Variants in SEC24D observed in about 807,000 individuals in gnomAD.
SEC24D encodes protein transport protein Sec24D.
SEC24D carries 69 observed loss-of-function variants against 116.9 expected under a neutral mutation model. The ratio of observed to expected loss-of-function variants is 0.59; its 90% CI spans 0.49 to 0.72. The LOEUF (loss-of-function observed/expected upper bound fraction) is 0.72, where lower values mean the gene tolerates loss of function less well. Ranked by LOEUF, SEC24D falls within the 30% of genes least tolerant of loss-of-function variation. The pLI is 0.00. For missense variants in SEC24D, 1,131 were observed against 1,264.1 expected, an observed-to-expected ratio of 0.89 and a Z score of 1.60; for synonymous variants, 405 against 442.8, an observed-to-expected ratio of 0.91 and a Z score of 1.07.
intron 7 of SEC24D, among the ~76,000 whole-genome samples, chr4:118,800,454 CAG>C (rs1729384119): frequency 6.6e-6 from 1 of 152,144 alleles, no homozygotes; most frequent in South Asian, 2.1e-4. Flanking sequence ...CCAGATTTCA[CAG>C]TTTTTAGGAC....
At chr4:118,777,123 A>T (rs1418064270) in intron 8 of SEC24D, among the ~76,000 whole-genome samples, 1 of 141,062 alleles carries the variant, frequency 7.1e-6, no homozygotes. Flanking sequence ...TTATTTATTT[A>T]TTTTTATTAT....
Position 118,740,709 on chromosome 4 carries a change from AAC to A in SEC24D, c.2190_2191del (p.Glu730AspfsTer5). The A allele has an allele frequency of 6.2e-7, 1 of 1,613,904 alleles. No homozygotes were observed. Among genetic ancestry groups the A allele is most frequent in the Admixed American group, 1.7e-5 (1 of 60,002 alleles). ...TTCACTGAGTTTGTCATCGTGCTTG[AAC>A]TCCACGGTCACTGCCTTGTCACAAT... On this transcript the variant is annotated frameshift_variant, in exon 17 of 23. Transcript: ENST00000280551. LOFTEE classifies it high-confidence loss of function.
At chr4:118,788,066 A>G (rs1728732398) in intron 8 of SEC24D, among the ~76,000 whole-genome samples, 1 of 152,124 alleles carries the variant, frequency 6.6e-6, no homozygotes, top group South Asian at 2.1e-4. Context: ...TGATTCTCTG[A>G]CCTCAGCCTC....
At chr4:118,835,689 TG>T (rs1458159613) in intron 1 of SEC24D, among the ~76,000 whole-genome samples, 1 of 152,228 alleles carries the variant, frequency 6.6e-6, no homozygotes, top group Non-Finnish European at 1.5e-5. Flanking sequence ...AGGCAGTTCC[TG>T]CATCCCAAGG....
At chr4:118,833,972 G>A (rs952971353) in intron 1 of SEC24D, among the ~76,000 whole-genome samples, 1 of 152,198 alleles carries the variant, frequency 6.6e-6, no homozygotes, top group Admixed American at 6.5e-5. Context: ...TCTCAAGCAT[G>A]AGACCTGAAT....
In SEC24D at chr4:118,829,996, C is replaced by T. The variant is rs1004599624; in HGVS notation, c.118+3583G>A. Among the ~76,000 whole-genome samples the T allele has an allele frequency of 2.0e-4, 30 of 152,102 alleles. 1 individual carries two copies. The highest frequency in any genetic ancestry group is 4.0e-4 in the Non-Finnish European group (27 of 68,012). ...GTGTCTGTCAGGAGACCAATAAAAG[C>T]GTCACTAAAAGGCTAGACAAGAAGA... On this transcript the variant is annotated intron_variant, in intron 2 of 22. Coordinates refer to ENST00000280551, the MANE Select transcript of SEC24D (RefSeq NM_014822.4).
intron 13 of SEC24D, among the ~76,000 whole-genome samples, chr4:118,748,478 T>C (rs1048383540): frequency 1.3e-5 from 2 of 152,228 alleles, no homozygotes; most frequent in South Asian, 2.1e-4. Flanking sequence ...TTAAATGTTC[T>C]ATTCCCTACA....
At chr4:118,831,425 C>T (rs1403724103) in intron 2 of SEC24D, among the ~76,000 whole-genome samples, 1 of 152,060 alleles carries the variant, frequency 6.6e-6, no homozygotes, top group South Asian at 2.1e-4. Context: ...AAAACATAGG[C>T]TTCCATGATG....
At chr4:118,745,537 C>T (rs1382896168) in intron 13 of SEC24D, among the ~76,000 whole-genome samples, 3 of 152,000 alleles carry the variant, frequency 2.0e-5, no homozygotes, top group Admixed American at 6.6e-5. Flanking sequence ...TGCATAAGAA[C>T]GTAGTGGTGG....
intron 8 of SEC24D, among the ~76,000 whole-genome samples, chr4:118,779,800 A>G (rs1392271928): frequency 2.0e-5 from 3 of 152,180 alleles, no homozygotes; most frequent in African/African-American, 7.2e-5. Context: ...TGGTCTATTC[A>G]GAGATTCAAC....
intron 2 of SEC24D, among the ~76,000 whole-genome samples, chr4:118,831,998 T>A (rs1378415920): frequency 6.6e-6 from 1 of 151,752 alleles, no homozygotes; most frequent in Non-Finnish European, 1.5e-5. Flanking sequence ...AGGTCAGGAG[T>A]TCGAGACCAA....
intron 8 of SEC24D, among the ~76,000 whole-genome samples, chr4:118,773,170 AG>A (rs1322313843): frequency 6.6e-6 from 1 of 151,940 alleles, no homozygotes; most frequent in Non-Finnish European, 1.5e-5. Context: ...TTCCTTCATT[AG>A]AAGTATTCAG....
At chr4:118,828,097 G>C (rs114684527) in intron 2 of SEC24D, among the ~76,000 whole-genome samples, 1 of 151,656 alleles carries the variant, frequency 6.6e-6, no homozygotes, top group Admixed American at 6.6e-5. Flanking sequence ...CCTGTTCTAG[G>C]TTCAGGACAT....
Position 118,774,221 on chromosome 4 carries a change from G to A in SEC24D, c.1042-5910C>T, listed in dbSNP as rs564446846. 5.6e-4 allele frequency among the ~76,000 whole-genome samples: 85 copies of A among 152,108 alleles called. 1 individual carries two copies. Among genetic ancestry groups the A allele is most frequent in the African/African-American group, 2.0e-3 (81 of 41,528 alleles). On this transcript the variant is annotated intron_variant, in intron 8 of 22. Coordinates refer to ENST00000280551, the MANE Select transcript of SEC24D (RefSeq NM_014822.4). ...TTTCTTTGAACAATACTATCAGAGA[G>A]TCTATTTGTTCTGTCTTAATTATAT...
chr4:118,803,324 C>T (rs1053954419), intron 7 of SEC24D, among the ~76,000 whole-genome samples: 1 of 152,144 alleles, frequency 6.6e-6, no homozygotes, highest in Admixed American at 6.6e-5. Context: ...AAACAAAAAG[C>T]TATGCACATG....
At chr4:118,727,803 C>T (rs1034143208) in intron 22 of SEC24D, among the ~76,000 whole-genome samples, 4 of 152,056 alleles carry the variant, frequency 2.6e-5, no homozygotes, top group Admixed American at 6.6e-5. Context: ...GTTCAATTTA[C>T]CTAAGCTCTA....
rs1261791195 is a variant in SEC24D, at chr4:118,738,300, A to G, written c.2457T>C (p.Cys819=). 1 of 1,613,660 alleles carries G rather than the reference A, an allele frequency of 6.2e-7. No individual in the cohort carries two copies. The highest frequency in any genetic ancestry group is 8.5e-7 in the Non-Finnish European group (1 of 1,179,606). ...LVNQTAHMLA[C]YRKNCASPSA... The stretch of plus-strand genomic sequence containing the variant: ...AAGGACTTGCACAATTCTTCCGGTA[A>G]CATGCCAACATATGGGCAGTCTGAT... The change falls in exon 19 of 23, where the codon TGT becomes TGC. Residue 819 remains cysteine, a synonymous_variant. Coordinates refer to ENST00000280551, the MANE Select transcript of SEC24D (RefSeq NM_014822.4).
At chr4:118,809,779 C>G (rs765690024) in intron 6 of SEC24D, among the ~76,000 whole-genome samples, 42 of 152,106 alleles carry the variant, frequency 2.8e-4, no homozygotes, top group Middle Eastern at 3.2e-3. Flanking sequence ...GGAAGACAGG[C>G]AATAAGTAAA....
Position 118,815,071 on chromosome 4 carries a change from G to A in SEC24D, c.758C>T (p.Pro253Leu), listed in dbSNP as rs1184488339. 6.2e-7 allele frequency: 1 copy of A among 1,614,174 alleles called. No homozygotes were observed. The highest frequency in any genetic ancestry group is 1.3e-5 in the African/African-American group (1 of 75,068). Reference protein sequence around the residue: ...PGGPAQMAGPPQPQKKLDPDS... With the variant: ...PGGPAQMAGPLQPQKKLDPDS... ...AGGATCCAGCTTCTTCTGGGGCTGT[G>A]GCGGACCAGCCATCTGTGCAGGACC... The change falls in exon 6 of 23, where the codon CCA becomes CTA. Residue 253 changes from proline to leucine, a missense_variant. Coordinates refer to ENST00000280551, the MANE Select transcript of SEC24D (RefSeq NM_014822.4).
Sources: allele counts gnomAD v4.1 joint callset (sites outside exome capture counted in the v4.1 genomes callset), GRCh38; gene constraint gnomAD v4.1.1; transcripts MANE v1.5; gene names NCBI Gene and HGNC (gene_info 2026-07-23, HGNC 2026-07-21).